Variants in LRP5 observed in about 807,000 individuals in gnomAD.
LRP5 encodes LDL receptor related protein 5, also known as low-density lipoprotein receptor-related protein 5.
In LRP5, 62 loss-of-function variants were observed where a neutral mutation model predicts 154.1. The observed-to-expected ratio is 0.40, with a 90% confidence interval of 0.33 to 0.50. The LOEUF is 0.50. Among genes scored for constraint, LRP5 ranks in the 20% least tolerant of loss-of-function variants. LRP5 has a pLI of 0.55. For synonymous variants in LRP5, 966 were observed against 1,011.5 expected (o/e 0.96, Z 0.85); for missense variants, 1,915 against 2,336.7 (o/e 0.82, Z 3.72).
chr11:68,346,772 G>C lies in LRP5; in HGVS notation c.92-1075G>C, dbSNP rs564158248. Among the ~76,000 whole-genome samples, 11 of 152,332 alleles carry C rather than the reference G, an allele frequency of 7.2e-5. No homozygotes were observed. The East Asian group carries it at 2.1e-3, about 29-fold the overall frequency. ...CCTAGCCCTGCTGACAGCAGACACG[G>C]ACTGATGGAGCTCCCTGGAGGCCCT... On this transcript the variant is annotated intron_variant, in intron 1 of 22. Coordinates refer to ENST00000294304, the MANE Select transcript of LRP5 (RefSeq NM_002335.4).
chr11:68,316,195 C>T (rs1039722919), intron 1 of LRP5, among the ~76,000 whole-genome samples: 3 of 152,118 alleles, frequency 2.0e-5, no homozygotes, highest in East Asian at 3.9e-4. Flanking sequence ...TCTTACAATG[C>T]GTCTTCGTGG....
At position 68,411,666 on chromosome 11, in the gene LRP5, C is replaced by T. The variant is rs201089363; in HGVS notation, c.2503+46C>T. The T allele has an allele frequency of 6.5e-5, 101 of 1,562,892 alleles. No individual in the cohort carries two copies. In the East Asian group the frequency reaches 6.8e-4, roughly 11 times the overall value. On this transcript the variant is annotated intron_variant, in intron 11 of 22. Coordinates refer to ENST00000294304, the MANE Select transcript of LRP5 (RefSeq NM_002335.4). ...TTCTGGTCATGGAGGGCGGGGCAGC[C>T]GGGCGTTGGCCACCTCCCAGCCTCG...
chr11:68,372,469 G>A (rs2098634712), intron 5 of LRP5, among the ~76,000 whole-genome samples: 1 of 151,960 alleles, frequency 6.6e-6, no homozygotes, highest in Non-Finnish European at 1.5e-5. Context: ...GGACCGTGGC[G>A]GCGAGGAGGT....
rs138134991 is a variant in LRP5, at chr11:68,436,424, G to T, written c.4001-465G>T. Among the ~76,000 whole-genome samples the T allele has an allele frequency of 3.3e-3, 509 of 152,258 alleles. 5 individuals carry two copies. The highest frequency in any genetic ancestry group is 0.012 in the African/African-American group (478 of 41,558). On this transcript the variant is annotated intron_variant, in intron 18 of 22. Coordinates refer to ENST00000294304, the MANE Select transcript of LRP5 (RefSeq NM_002335.4). ...GCCTTGTGCTGCTCCCGTGTGGGCT[G>T]CCTGCACCTCCAGTGGGTTGTGCTC...
intron 18 of LRP5, among the ~76,000 whole-genome samples, chr11:68,434,864 C>T (rs571409701): frequency 2.6e-5 from 4 of 152,318 alleles, no homozygotes; most frequent in South Asian, 2.1e-4. Flanking sequence ...GCAGACATTT[C>T]GTAGAAGATG....
chr11:68,362,117 G>T (rs761552208), intron 3 of LRP5, among the ~76,000 whole-genome samples: 9 of 152,234 alleles, frequency 5.9e-5, no homozygotes, highest in Non-Finnish European at 1.3e-4. Context: ...GCACTGACAT[G>T]CTACAGCCTG....
chr11:68,418,155 C>G (rs2153170307), intron 13 of LRP5, among the ~76,000 whole-genome samples: 1 of 152,034 alleles, frequency 6.6e-6, no homozygotes, highest in Middle Eastern at 3.4e-3. Flanking sequence ...CGCTTGTATC[C>G]TAGCACTTTG....
chr11:68,341,408 C>T (rs1009245015), intron 1 of LRP5, among the ~76,000 whole-genome samples: 1 of 152,100 alleles, frequency 6.6e-6, no homozygotes, highest in Non-Finnish European at 1.5e-5. Flanking sequence ...CCACCCTGTG[C>T]ATCCCTCATC....
chr11:68,448,676 G>A, intron 22 of LRP5, 133 bp from the exon 23 acceptor site: 3 of 1,126,644 alleles, frequency 2.7e-6, no homozygotes, highest in Non-Finnish European at 3.9e-6. Context: ...AGCGGGGTGG[G>A]TCCAGAGTCC....
At chr11:68,313,026 C>G (rs1272355200) in intron 1 of LRP5, among the ~76,000 whole-genome samples, 8 of 147,814 alleles carry the variant, frequency 5.4e-5, no homozygotes, top group African/African-American at 2.0e-4. Context: ...ACGCTGCGTC[C>G]CGGGCTGGCG....
intron 1 of LRP5, among the ~76,000 whole-genome samples, chr11:68,324,525 G>A (rs534313258): frequency 4.0e-4 from 61 of 152,356 alleles, no homozygotes; most frequent in African/African-American, 1.2e-3. Flanking sequence ...CCTGGGCAGC[G>A]AACAGCTTGA....
At chr11:68,331,034 G>A (rs1273514811) in intron 1 of LRP5, among the ~76,000 whole-genome samples, 1 of 152,224 alleles carries the variant, frequency 6.6e-6, no homozygotes, top group Non-Finnish European at 1.5e-5. Flanking sequence ...AAAATGTTCT[G>A]TGATCAGGCG....
At chr11:68,436,864 C>CT (rs747791364) in intron 18 of LRP5, 25 bp from the exon 19 acceptor site, 15 of 1,590,598 alleles carry the variant, frequency 9.4e-6, no homozygotes, top group Non-Finnish European at 1.3e-5. Context: ...TCCAGCCTCT[C>CT]TGAGTGCATG....
At chr11:68,394,937 T>G (rs904807345) in intron 7 of LRP5, among the ~76,000 whole-genome samples, 8 of 152,088 alleles carry the variant, frequency 5.3e-5, no homozygotes, top group African/African-American at 1.9e-4. Flanking sequence ...TCCTTGGCTT[T>G]CAAAATGGGC....
chr11:68,411,271 G>A (rs1161902716), intron 10 of LRP5, among the ~76,000 whole-genome samples, 165 bp from the exon 11 acceptor site: 1 of 152,234 alleles, frequency 6.6e-6, no homozygotes, highest in East Asian at 1.9e-4. Flanking sequence ...ATATGTGTGT[G>A]GCAGGGGTCG....
At chr11:68,345,237 C>G (rs1254739086) in intron 1 of LRP5, among the ~76,000 whole-genome samples, 2 of 151,958 alleles carry the variant, frequency 1.3e-5, no homozygotes, top group Non-Finnish European at 2.9e-5. Flanking sequence ...GCTATTCATC[C>G]CTCAGTAGAG....
the LRP5 span, among the ~76,000 whole-genome samples, chr11:68,305,259 C>T: frequency 3.4e-3 from 523 of 152,006 alleles, no homozygotes; most frequent in Non-Finnish European, 6.0e-3. Flanking sequence ...CCTGCTCTCT[C>T]TCTCTCTCGC....
intron 19 of LRP5, 126 bp from the exon 20 acceptor site, chr11:68,438,320 C>T: frequency 1.0e-6 from 1 of 955,784 alleles, no homozygotes; most frequent in Non-Finnish European, 1.7e-6. Context: ...CCCAGCTCCC[C>T]CACTTTCTCC....
At chr11:68,372,425 T>C in intron 5 of LRP5, among the ~76,000 whole-genome samples, 1 of 147,236 alleles carries the variant, frequency 6.8e-6, no homozygotes, top group East Asian at 2.0e-4. Flanking sequence ...CCCGGGACCG[T>C]GGCGGCGAGG....
Sources: allele counts gnomAD v4.1 joint callset (sites outside exome capture counted in the v4.1 genomes callset), GRCh38; gene constraint gnomAD v4.1.1; transcripts MANE v1.5; gene names NCBI Gene and HGNC (gene_info 2026-07-23, HGNC 2026-07-21).